LRRTM4: variants seen among roughly 807,000 people sequenced by gnomAD.
LRRTM4 encodes leucine-rich repeat transmembrane neuronal protein 4.
In LRRTM4, 25 loss-of-function variants were observed where a neutral mutation model predicts 47.6. The ratio of observed to expected loss-of-function variants is 0.53; its 90% CI spans 0.38 to 0.73. LRRTM4 has a LOEUF of 0.73. Among genes scored for constraint, LRRTM4 ranks in the 30% least tolerant of loss-of-function variants. The pLI is 0.00. For synonymous variants in LRRTM4, 311 were observed against 269.5 expected, an observed-to-expected ratio of 1.15 and a Z score of -1.51; for missense variants, 638 against 713.4, an observed-to-expected ratio of 0.89 and a Z score of 1.20.
intron 3 of LRRTM4, among the ~76,000 whole-genome samples, chr2:77,146,189 A>G (rs1248875372): frequency 2.0e-5 from 3 of 152,226 alleles, no homozygotes; most frequent in Non-Finnish European, 1.5e-5. Flanking sequence ...TCCTAGGGAT[A>G]TAAGGTCCTT....
chr2:77,250,766 T>C (rs1169964101), intron 3 of LRRTM4, among the ~76,000 whole-genome samples: 1 of 152,090 alleles, frequency 6.6e-6, no homozygotes, highest in Non-Finnish European at 1.5e-5. Flanking sequence ...AGCAGGAAAA[T>C]GTTCACAGAT....
chr2:77,235,010 G>A (rs902130406), intron 3 of LRRTM4, among the ~76,000 whole-genome samples: 9 of 152,066 alleles, frequency 5.9e-5, no homozygotes, highest in African/African-American at 2.2e-4. Context: ...GCAGTAATTT[G>A]CTTAAAATAA....
chr2:77,048,818 T>C (rs957381298), intron 3 of LRRTM4, among the ~76,000 whole-genome samples: 4 of 151,720 alleles, frequency 2.6e-5, no homozygotes, highest in African/African-American at 9.7e-5. Flanking sequence ...TACAACAAAT[T>C]GTTTATCCTA....
At chr2:77,423,365 C>T (rs1573393739) in intron 3 of LRRTM4, among the ~76,000 whole-genome samples, 1 of 152,010 alleles carries the variant, frequency 6.6e-6, no homozygotes, top group Admixed American at 6.5e-5. Context: ...AAGGTCTCAT[C>T]ATTCTAAATA....
In LRRTM4 at chr2:76,770,470, G is replaced by A. The variant is rs146563311; in HGVS notation, c.1552-21554C>T. On this transcript the variant is annotated intron_variant, in intron 3 of 3. Transcript: ENST00000409884. ...TTCTGGAGGGTAAGGTTTGTGTCTT[G>A]TACCTATGTAACCCCCAGCCACCTA... Among the ~76,000 whole-genome samples, 582 of 152,194 alleles carry A rather than the reference G, an allele frequency of 3.8e-3. 10 individuals carry two copies. The South Asian group carries it at 0.049, about 13-fold the overall frequency.
intron 3 of LRRTM4, among the ~76,000 whole-genome samples, chr2:77,028,788 C>A (rs1357181038): frequency 2.0e-5 from 3 of 151,862 alleles, no homozygotes; most frequent in Non-Finnish European, 4.4e-5. Flanking sequence ...GTAATCCCAG[C>A]ACTTTGGGAG....
intron 3 of LRRTM4, among the ~76,000 whole-genome samples, chr2:76,991,119 C>A (rs1471482636): frequency 6.6e-6 from 1 of 151,518 alleles, no homozygotes; most frequent in Admixed American, 6.6e-5. Flanking sequence ...ACAAACATAC[C>A]AAAATCCCTG....
chr2:77,035,056 TTTC>T (rs1053024274), intron 3 of LRRTM4, among the ~76,000 whole-genome samples: 44 of 151,828 alleles, frequency 2.9e-4, no homozygotes, highest in African/African-American at 1.0e-3. Flanking sequence ...TATTATTTTT[TTTC>T]TTAATTATTG....
chr2:76,886,540 A>G (rs1420985239), intron 3 of LRRTM4, among the ~76,000 whole-genome samples: 2 of 152,090 alleles, frequency 1.3e-5, no homozygotes, highest in Non-Finnish European at 2.9e-5. Flanking sequence ...TGGAAGAAAA[A>G]AGAGATATAT....
intron 3 of LRRTM4, among the ~76,000 whole-genome samples, chr2:76,895,228 G>A (rs907476718): frequency 6.6e-6 from 1 of 151,946 alleles, no homozygotes; most frequent in African/African-American, 2.4e-5. Flanking sequence ...ACTTGTGGAA[G>A]ACAATTTACC....
intron 3 of LRRTM4, among the ~76,000 whole-genome samples, chr2:77,421,975 C>T (rs946444889): frequency 2.0e-5 from 3 of 152,130 alleles, no homozygotes; most frequent in African/African-American, 7.2e-5. Context: ...CAAATATTTA[C>T]CATTTTGTTA....
At chr2:76,917,486 C>G (rs939808193) in intron 3 of LRRTM4, among the ~76,000 whole-genome samples, 8 of 152,104 alleles carry the variant, frequency 5.3e-5, no homozygotes, top group Non-Finnish European at 1.2e-4. Flanking sequence ...GTTGAAACTT[C>G]CTCCAGGCCA....
intron 3 of LRRTM4, among the ~76,000 whole-genome samples, chr2:76,804,349 C>T (rs944696892): frequency 1.1e-4 from 16 of 151,918 alleles, no homozygotes; most frequent in South Asian, 4.2e-4. Flanking sequence ...TTGATAATTG[C>T]GTTGCTTGAA....
At chr2:77,148,649 A>C (rs781756084) in intron 3 of LRRTM4, among the ~76,000 whole-genome samples, 5 of 152,178 alleles carry the variant, frequency 3.3e-5, no homozygotes, top group Non-Finnish European at 7.4e-5. Flanking sequence ...TTGAAAACAG[A>C]AATAATTTTA....
chr2:77,180,488 C>T (rs1673317693), intron 3 of LRRTM4, among the ~76,000 whole-genome samples: 2 of 152,134 alleles, frequency 1.3e-5, no homozygotes, highest in Admixed American at 1.3e-4. Context: ...AAGTCCTTCT[C>T]TTTGCCTTAA....
At chr2:77,436,842 C>T (rs1675619699) in intron 3 of LRRTM4, among the ~76,000 whole-genome samples, 1 of 151,822 alleles carries the variant, frequency 6.6e-6, no homozygotes, top group Admixed American at 6.6e-5. Flanking sequence ...TACTCTTTCT[C>T]TAAACAACAA....
chr2:77,438,509 C>T (rs1338190091), intron 3 of LRRTM4, among the ~76,000 whole-genome samples: 2 of 149,852 alleles, frequency 1.3e-5, no homozygotes, highest in African/African-American at 2.5e-5. Context: ...CGGGTTCACG[C>T]CATTCTCCTT....
At chr2:77,153,526 GTAGAATTGCTTTCTTTTATTA>G (rs1410324229) in intron 3 of LRRTM4, among the ~76,000 whole-genome samples, 5 of 152,114 alleles carry the variant, frequency 3.3e-5, no homozygotes, top group African/African-American at 1.2e-4. Context: ...GAAAAGAAAT[GTAGAATTGCTTTCTTTTATTA>G]TGCCTCAACT....
At chr2:77,042,284 T>C (rs1270359080) in intron 3 of LRRTM4, among the ~76,000 whole-genome samples, 3 of 151,272 alleles carry the variant, frequency 2.0e-5, no homozygotes, top group East Asian at 1.9e-4. Context: ...TAAGAAAAAA[T>C]AGAAAGAAAG....
Sources: allele counts gnomAD v4.1 joint callset (sites outside exome capture counted in the v4.1 genomes callset), GRCh38; gene constraint gnomAD v4.1.1; transcripts MANE v1.5; gene names NCBI Gene and HGNC (gene_info 2026-07-23, HGNC 2026-07-21).